Variants in MIPOL1 observed in about 807,000 individuals in gnomAD.
MIPOL1 encodes the protein mirror-image polydactyly gene 1 protein.
A neutral mutation model predicts 60.9 loss-of-function variants in MIPOL1; 57 were observed. The ratio of observed to expected loss-of-function variants is 0.94; its 90% CI spans 0.76 to 1.17. The LOEUF (loss-of-function observed/expected upper bound fraction) is 1.17. Among genes scored for constraint, MIPOL1 ranks in the 50% most tolerant of loss-of-function variants. MIPOL1 has a pLI of 0.00. For synonymous variants in MIPOL1, 179 were observed against 168.8 expected (o/e 1.06, Z -0.47); for missense variants, 551 against 511.6 (o/e 1.08, Z -0.74).
At chr14:37,484,337 C>CTTTTTTTTT (rs71449995) in intron 11 of MIPOL1, among the ~76,000 whole-genome samples, 1 of 116,438 alleles carries the variant, frequency 8.6e-6, no homozygotes, top group African/African-American at 3.3e-5. Flanking sequence ...AATGTTAGAT[C>CTTTTTTTTT]TTTTTTTTTT....
At chr14:37,405,974 A>G (rs945599248) in intron 10 of MIPOL1, among the ~76,000 whole-genome samples, 12 of 148,832 alleles carry the variant, frequency 8.1e-5, no homozygotes, top group African/African-American at 3.0e-4. Flanking sequence ...TTTATAGCCT[A>G]TGCACCTAAA....
intron 1 of MIPOL1, among the ~76,000 whole-genome samples, chr14:37,219,965 T>C (rs1231190600): frequency 6.7e-6 from 1 of 150,112 alleles, no homozygotes; most frequent in Non-Finnish European, 1.5e-5. Flanking sequence ...CTGCTTTCTT[T>C]TGATTAGTAT....
chr14:37,506,785 G>C (rs544665956), intron 12 of MIPOL1: 6 of 152,216 alleles, frequency 3.9e-5, no homozygotes, highest in Non-Finnish European at 5.9e-5. Flanking sequence ...CACAGCAAAA[G>C]AAACTATCAT....
At chr14:37,526,660 C>T (rs999443716) in intron 12 of MIPOL1, among the ~76,000 whole-genome samples, 1 of 151,638 alleles carries the variant, frequency 6.6e-6, no homozygotes. Flanking sequence ...GGATTACAGG[C>T]GAGAGCCACC....
In MIPOL1 at chr14:37,492,499, G is replaced by GTAACTC. The variant is rs2095059844; in HGVS notation, c.1032-7408_1032-7403dup. Among the ~76,000 whole-genome samples, 4 of 152,230 alleles carry GTAACTC rather than the reference G, an allele frequency of 2.6e-5. No homozygotes were observed. The South Asian group carries it at 8.3e-4, about 32-fold the overall frequency. ...TTTGTACAAAGTTAATTAGATATAA[G>GTAACTC]TAACTCCTTTTAAAAATTATACAGA... is the stretch of plus-strand genomic sequence containing the variant. On this transcript the variant is annotated intron_variant, in intron 11 of 12. Transcript: ENST00000684589.
chr14:37,505,793 T>G (rs555726952), intron 12 of MIPOL1: 1 of 152,246 alleles, frequency 6.6e-6, no homozygotes, highest in African/African-American at 2.4e-5. Context: ...GGTATTCAAT[T>G]AAGAAAAGAG....
chr14:37,467,565 C>T (rs1047051397), intron 11 of MIPOL1, among the ~76,000 whole-genome samples: 6 of 152,128 alleles, frequency 3.9e-5, no homozygotes, highest in Middle Eastern at 3.2e-3. Flanking sequence ...TAGAAGTTAC[C>T]TTCGGGAGAA....
chr14:37,355,776 C>T (rs1471745179), intron 9 of MIPOL1, among the ~76,000 whole-genome samples: 1 of 150,682 alleles, frequency 6.6e-6, no homozygotes, highest in East Asian at 2.0e-4. Context: ...TTAAGCACTT[C>T]TCTGTATTGG....
intron 10 of MIPOL1, among the ~76,000 whole-genome samples, chr14:37,383,201 A>G (rs1472672979): frequency 6.6e-6 from 1 of 151,858 alleles, no homozygotes; most frequent in African/African-American, 2.4e-5. Context: ...TATTCCATGC[A>G]AGTGTTTTCA....
At chr14:37,350,943 A>G (rs1310149630) in intron 9 of MIPOL1, among the ~76,000 whole-genome samples, 2 of 152,010 alleles carry the variant, frequency 1.3e-5, no homozygotes, top group Admixed American at 6.6e-5. Context: ...GTTCTAGGGT[A>G]CATGTGCACA....
At chr14:37,443,761 A>C (rs1286606522) in intron 11 of MIPOL1, among the ~76,000 whole-genome samples, 1 of 144,016 alleles carries the variant, frequency 6.9e-6, no homozygotes, top group East Asian at 2.2e-4. Flanking sequence ...AAAAAAAAAA[A>C]AAAAACCTCT....
chr14:37,511,908 T>C (rs1009528512), intron 12 of MIPOL1, among the ~76,000 whole-genome samples: 1 of 152,134 alleles, frequency 6.6e-6, no homozygotes, highest in South Asian at 2.1e-4. Flanking sequence ...CAAAGAGATA[T>C]AGAAAAATTG....
rs776876306 is a variant in MIPOL1, at chr14:37,270,409, A to T, written c.388-11A>T. 1 of 1,415,376 alleles carries T rather than the reference A, an allele frequency of 7.1e-7. No homozygotes were observed. The highest frequency in any genetic ancestry group is 1.5e-5 in the African/African-American group (1 of 68,414). 87.7% of individuals were successfully genotyped at this position (1,415,376 alleles called of 1,614,324 possible). On this transcript the variant is annotated splice_polypyrimidine_tract_variant and intron_variant, in intron 5 of 12. Coordinates refer to ENST00000684589, the MANE Select transcript of MIPOL1 (RefSeq NM_001388067.1). ...AAATAAGAATCCATGATTTTTTTCAATGTGCTTTAGCTTCAGCAGAAATTG... is the reference window on the plus strand; with the variant it reads ...AAATAAGAATCCATGATTTTTTTCATTGTGCTTTAGCTTCAGCAGAAATTG...
At position 37,351,353 on chromosome 14, in the gene MIPOL1, A is replaced by G. The variant is rs1427073386; in HGVS notation, c.829-18164A>G. On this transcript the variant is annotated intron_variant, in intron 9 of 12. Transcript: ENST00000684589. Reference sequence around the variant, plus strand: ...TTCCAAGTCTTTGCTATTGTGAATAATGCCGCAATAAACATACGTGTGCAT... The same window carrying G: ...TTCCAAGTCTTTGCTATTGTGAATAGTGCCGCAATAAACATACGTGTGCAT... Among the ~76,000 whole-genome samples the G allele has an allele frequency of 2.8e-5, 4 of 144,574 alleles. No individual in the cohort carries two copies. In the East Asian group the frequency reaches 6.3e-4, roughly 23 times the overall value. The allele number at this position is 144,574 out of a possible 152,430, so 94.8% of individuals were successfully genotyped here.
chr14:37,403,432 CTTTTTTTT>C (rs11415779), intron 10 of MIPOL1, among the ~76,000 whole-genome samples: 1 of 94,118 alleles, frequency 1.1e-5, no homozygotes, highest in Non-Finnish European at 1.9e-5. Context: ...AGGTTTCTAG[CTTTTTTTT>C]TTTTTTTTTT....
chr14:37,414,168 C>A (rs1566557787), intron 10 of MIPOL1, among the ~76,000 whole-genome samples: 1 of 151,916 alleles, frequency 6.6e-6, no homozygotes, highest in Non-Finnish European at 1.5e-5. Flanking sequence ...TTTAATAATA[C>A]CCATAATACT....
intron 11 of MIPOL1, among the ~76,000 whole-genome samples, chr14:37,470,808 A>C (rs2094676854): frequency 6.6e-6 from 1 of 152,180 alleles, no homozygotes; most frequent in South Asian, 2.1e-4. Context: ...GAAAGTAAGC[A>C]GAAACCAGAA....
chr14:37,254,538 A>T (rs1184328464), intron 3 of MIPOL1, among the ~76,000 whole-genome samples: 1 of 151,740 alleles, frequency 6.6e-6, no homozygotes, highest in Non-Finnish European at 1.5e-5. Flanking sequence ...GTTCCCATAC[A>T]TCCCTACCCC....
At chr14:37,460,011 A>G (rs2094521812) in intron 11 of MIPOL1, among the ~76,000 whole-genome samples, 1 of 152,052 alleles carries the variant, frequency 6.6e-6, no homozygotes, top group Admixed American at 6.6e-5. Flanking sequence ...CCTGGGAGGC[A>G]GAGGTTTCAG....
Sources: allele counts gnomAD v4.1 joint callset (sites outside exome capture counted in the v4.1 genomes callset), GRCh38; gene constraint gnomAD v4.1.1; transcripts MANE v1.5; gene names NCBI Gene and HGNC (gene_info 2026-07-23, HGNC 2026-07-21).